Variants in GRID2 observed in about 807,000 individuals in gnomAD.
GRID2 encodes the protein glutamate receptor ionotropic, delta-2.
In GRID2, 33 loss-of-function variants were observed where a neutral mutation model predicts 114.8. That is an observed-to-expected ratio of 0.29 (90% CI 0.22 to 0.38). The LOEUF is 0.38. Among genes scored for constraint, GRID2 ranks in the 10% least tolerant of loss-of-function variants. The probability of loss-of-function intolerance (pLI) is 1.00; values close to 1 mark genes in which losing one functional copy is unlikely to be tolerated. For missense variants in GRID2, 1,184 were observed against 1,257.7 expected, an observed-to-expected ratio of 0.94 and a Z score of 0.89; for synonymous variants, 505 against 449.9, an observed-to-expected ratio of 1.12 and a Z score of -1.55.
At position 93,507,066 on chromosome 4, in the gene GRID2, A is replaced by C. The variant is rs1728705361; in HGVS notation, c.1998-8150A>C. Reference sequence around the variant, plus strand: ...CTTTGACATTAATCTTTTTTAAAATAGGAAACTTAGTGCTATTAAGCTAAA... The same window carrying C: ...CTTTGACATTAATCTTTTTTAAAATCGGAAACTTAGTGCTATTAAGCTAAA... On this transcript the variant is annotated intron_variant, in intron 12 of 15. Transcript: ENST00000282020. 2.0e-5 allele frequency among the ~76,000 whole-genome samples: 3 copies of C among 152,334 alleles called. No homozygotes were observed. In the South Asian group the frequency reaches 6.2e-4, roughly 32 times the overall value.
intron 2 of GRID2, among the ~76,000 whole-genome samples, chr4:92,634,315 C>A (rs1415164126): frequency 6.6e-6 from 1 of 152,200 alleles, no homozygotes; most frequent in African/African-American, 2.4e-5. Context: ...AGGTGATGTA[C>A]AACAGAATCA....
In GRID2 at chr4:93,687,806, G is replaced by A. The variant is rs1054271515; in HGVS notation, c.2360+61371G>A. Among the ~76,000 whole-genome samples, 4 of 151,992 alleles carry A rather than the reference G, an allele frequency of 2.6e-5. No individual in the cohort carries two copies. In the East Asian group the frequency reaches 7.7e-4, roughly 29 times the overall value. On this transcript the variant is annotated intron_variant, in intron 14 of 15. Coordinates refer to ENST00000282020, the MANE Select transcript of GRID2 (RefSeq NM_001510.4). ...TTCTGTTATAAAAGAATAAAGAAAT[G>A]GGGTGGTAATTGAAAGGAGAACTGG...
chr4:92,577,641 A>G (rs908856274), intron 1 of GRID2, among the ~76,000 whole-genome samples: 2 of 152,176 alleles, frequency 1.3e-5, no homozygotes, highest in African/African-American at 4.8e-5. Flanking sequence ...AGGACTTGGT[A>G]TGTGAAAAAA....
At chr4:93,543,870 G>A (rs978361486) in intron 13 of GRID2, among the ~76,000 whole-genome samples, 2 of 152,130 alleles carry the variant, frequency 1.3e-5, no homozygotes, top group African/African-American at 4.8e-5. Flanking sequence ...TTATTACCAA[G>A]AGAACAAGTT....
At chr4:92,537,243 A>T (rs1210581224) in intron 1 of GRID2, among the ~76,000 whole-genome samples, 2 of 152,282 alleles carry the variant, frequency 1.3e-5, no homozygotes, top group African/African-American at 4.8e-5. Context: ...TCTTATTCTA[A>T]GTTGTTGTAT....
At chr4:92,468,969 G>A (rs1384337516) in intron 1 of GRID2, among the ~76,000 whole-genome samples, 2 of 152,140 alleles carry the variant, frequency 1.3e-5, no homozygotes, top group Non-Finnish European at 2.9e-5. Context: ...TTGAGGAGTA[G>A]CAATCATGGA....
At chr4:92,352,501 G>T (rs753566045) in intron 1 of GRID2, among the ~76,000 whole-genome samples, 72 of 151,704 alleles carry the variant, frequency 4.7e-4, no homozygotes, top group Non-Finnish European at 9.1e-4. Flanking sequence ...CGTTTTCTAG[G>T]CAGAGGATTT....
downstream of GRID2, among the ~76,000 whole-genome samples, chr4:93,778,202 C>G (rs1734403564): frequency 6.6e-6 from 1 of 152,104 alleles, no homozygotes; most frequent in African/African-American, 2.4e-5. Context: ...CTATTTCATA[C>G]TATGTAAAAA....
At chr4:92,768,646 G>A (rs947291795) in intron 2 of GRID2, among the ~76,000 whole-genome samples, 1 of 152,138 alleles carries the variant, frequency 6.6e-6, no homozygotes, top group South Asian at 2.1e-4. Flanking sequence ...CATGGCTGGG[G>A]AGGCCTCACA....
intron 12 of GRID2, among the ~76,000 whole-genome samples, chr4:93,503,831 T>C (rs1309253092): frequency 6.6e-6 from 1 of 152,030 alleles, no homozygotes. Context: ...GTGAGATAAA[T>C]TTAAAAAAAA....
intron 1 of GRID2, among the ~76,000 whole-genome samples, chr4:92,558,268 T>G (rs548560684): frequency 4.3e-4 from 66 of 152,280 alleles, no homozygotes; most frequent in Non-Finnish European, 8.4e-4. Flanking sequence ...GAGATGATGG[T>G]GACATTGACT....
intron 2 of GRID2, among the ~76,000 whole-genome samples, chr4:92,915,257 A>G (rs1748692105): frequency 6.6e-6 from 1 of 152,280 alleles, no homozygotes; most frequent in South Asian, 2.1e-4. Context: ...ATGTCCTATT[A>G]GCCTTATTCT....
At chr4:92,455,699 A>T (rs556310154) in intron 1 of GRID2, among the ~76,000 whole-genome samples, 1 of 152,312 alleles carries the variant, frequency 6.6e-6, no homozygotes, top group South Asian at 2.1e-4. Context: ...AGTGGTGGGC[A>T]GTGAGGCACG....
At chr4:93,724,476 T>A (rs528206081) in intron 14 of GRID2, among the ~76,000 whole-genome samples, 10 of 152,260 alleles carry the variant, frequency 6.6e-5, no homozygotes, top group South Asian at 2.1e-4. Context: ...ATTAATTTTT[T>A]AAAAAATATG....
At chr4:93,595,668 G>A (rs1739008822) in intron 13 of GRID2, among the ~76,000 whole-genome samples, 1 of 151,992 alleles carries the variant, frequency 6.6e-6, no homozygotes, top group South Asian at 2.1e-4. Context: ...TTACCTATAG[G>A]CCTTTTATTG....
intron 2 of GRID2, among the ~76,000 whole-genome samples, chr4:92,933,424 A>G (rs1234035956): frequency 6.6e-6 from 1 of 151,466 alleles, no homozygotes; most frequent in Admixed American, 6.6e-5. Context: ...ATGCTTCACA[A>G]ACAAAACAGA....
intron 2 of GRID2, among the ~76,000 whole-genome samples, chr4:92,869,345 G>A (rs939068931): frequency 6.6e-6 from 1 of 152,140 alleles, no homozygotes; most frequent in African/African-American, 2.4e-5. Flanking sequence ...CATATGTGAG[G>A]CAGTACCCAA....
At chr4:92,434,451 T>C (rs1403470837) in intron 1 of GRID2, among the ~76,000 whole-genome samples, 3 of 152,170 alleles carry the variant, frequency 2.0e-5, no homozygotes, top group Non-Finnish European at 4.4e-5. Context: ...GCTGTTTTCC[T>C]TGCGCCTATG....
intron 1 of GRID2, among the ~76,000 whole-genome samples, chr4:92,534,211 G>C (rs1725493954): frequency 6.6e-6 from 1 of 152,050 alleles, no homozygotes; most frequent in African/African-American, 2.4e-5. Context: ...TTTTGAACTA[G>C]AAGTAAAGCT....
Sources: gnomAD v4.1 joint callset for allele counts (sites outside exome capture counted in the v4.1 genomes callset) on GRCh38, gnomAD v4.1.1 for gene constraint, MANE v1.5 for transcripts, NCBI Gene and HGNC (gene_info 2026-07-23, HGNC 2026-07-21) for gene names.